DDB2: variants seen among roughly 807,000 people sequenced by gnomAD.
The protein encoded by DDB2 is DNA damage-binding protein 2.
In DDB2, 27 loss-of-function variants were observed where a neutral mutation model predicts 50.5. The observed-to-expected ratio is 0.53, with a 90% CI of 0.39 to 0.74. The LOEUF is 0.74. Among genes scored for constraint, DDB2 ranks in the 30% least tolerant of loss-of-function variants. DDB2 has a pLI of 0.00. For missense variants in DDB2, 424 were observed against 545.6 expected (o/e 0.78, Z 2.22); for synonymous variants, 176 against 205.5 (o/e 0.86, Z 1.23).
chr11:47,235,291 C>T lies in DDB2; in HGVS notation c.902C>T (p.Ala301Val), dbSNP rs956960120. The T allele has an allele frequency of 1.1e-5, 17 of 1,614,104 alleles. No individual in the cohort carries two copies. The highest frequency in any genetic ancestry group is 1.4e-5 in the Non-Finnish European group (16 of 1,180,034). ...CCAGCTTGTTTCAGTCCCGATGGAG[C>T]CCGGCTCCTGACCACGGACCAGAAG... is the stretch of plus-strand genomic sequence containing the variant. ...VNAACFSPDG[A>V]RLLTTDQKSE... The change falls in exon 7 of 10, where the codon GCC (alanine) becomes GTC (valine). Residue 301 changes from alanine to valine, a missense_variant. Coordinates refer to ENST00000256996, the MANE Select transcript of DDB2 (RefSeq NM_000107.3).
intron 3 of DDB2, among the ~76,000 whole-genome samples, chr11:47,227,415 A>C (rs1953576933): frequency 1.3e-5 from 2 of 151,654 alleles, no homozygotes; most frequent in South Asian, 4.2e-4. Flanking sequence ...CCATGATATT[A>C]ACCTCTTATC....
chr11:47,232,010 T>G lies in DDB2; in HGVS notation c.457-804T>G, dbSNP rs995937280. ...AGAGAACTTTATATCCCAAATTTGC[T>G]ATATGTTAATTAAAAAAAAAAGTAA... On this transcript the variant is annotated intron_variant, in intron 3 of 9. Coordinates refer to ENST00000256996, the MANE Select transcript of DDB2 (RefSeq NM_000107.3). Among the ~76,000 whole-genome samples, 5 of 152,014 alleles carry G rather than the reference T, an allele frequency of 3.3e-5. No individual in the cohort carries two copies. In the East Asian group the frequency reaches 9.6e-4, roughly 29 times the overall value.
Position 47,238,010 on chromosome 11 carries a change from T to C in DDB2, c.1188+9T>C. The C allele has an allele frequency of 6.2e-7, 1 of 1,614,126 alleles. No individual in the cohort carries two copies. The highest frequency in any genetic ancestry group is 1.1e-5 in the South Asian group (1 of 91,080). On this transcript the variant is annotated intron_variant, in intron 8 of 9. Transcript: ENST00000256996. ...CTTCTGGCATCAGTTCGGTGAGGCT[T>C]GGGTCCTCAAATAATGATGGGAGGA...
At chr11:47,224,354 G>A (rs930263243) in intron 3 of DDB2, among the ~76,000 whole-genome samples, 1 of 151,886 alleles carries the variant, frequency 6.6e-6, no homozygotes, top group African/African-American at 2.4e-5. Flanking sequence ...TCAGCCTCCC[G>A]AGTAGCTGGG....
chr11:47,215,034 C>T lies in DDB2; in HGVS notation c.-103C>T. The T allele has an allele frequency of 1.3e-6, 2 of 1,567,468 alleles. No homozygotes were observed. Among genetic ancestry groups the T allele is most frequent in the Non-Finnish European group, 8.8e-7 (1 of 1,140,866 alleles). On this transcript the variant is annotated 5_prime_UTR_variant, in exon 1 of 10. Transcript: ENST00000256996. The stretch of plus-strand genomic sequence containing the variant: ...TTGGCTTAGCTCGGCTACCTGTGGC[C>T]CCGCAGTTTTGTAGTCCCCGCCTTG...
chr11:47,238,841 C>T lies in DDB2; in HGVS notation c.1276C>T (p.Arg426Trp), dbSNP rs1218896761. Residue 426 changes from arginine to tryptophan, a missense_variant, in exon 10 of 10, where the codon CGG becomes TGG. Transcript: ENST00000256996. ...CTGGAGCCAGGAGGAAGCCAGGACA[C>T]GGAAGTGAGAGACACTAAAGAAGGT... ...LIWSQEEART[R>W]K 19 of 1,613,398 alleles carry T rather than the reference C, an allele frequency of 1.2e-5. No individual in the cohort carries two copies. The highest frequency in any genetic ancestry group is 4.4e-5 in the South Asian group (4 of 91,066).
intron 1 of DDB2, chr11:47,215,993 T>C (rs1590987896): frequency 7.3e-6 from 3 of 408,350 alleles, no homozygotes; most frequent in Non-Finnish European, 1.4e-5. Context: ...TATAAAATTG[T>C]GACCCAGTCC....
intron 3 of DDB2, among the ~76,000 whole-genome samples, chr11:47,230,117 G>A (rs1157003587): frequency 4.8e-5 from 7 of 146,090 alleles, no homozygotes; most frequent in African/African-American, 1.8e-4. Flanking sequence ...GAGTTACATA[G>A]TGAGACCCTG....
chr11:47,238,324 T>C, intron 9 of DDB2, 141 bp downstream of exon 9: 1 of 784,218 alleles, frequency 1.3e-6, no homozygotes, highest in South Asian at 1.5e-5. Flanking sequence ...GACAGTGGTC[T>C]CTATAGCCAA....
At chr11:47,217,848 G>A (rs1186555925) in intron 3 of DDB2, among the ~76,000 whole-genome samples, 3 of 151,392 alleles carry the variant, frequency 2.0e-5, no homozygotes, top group East Asian at 2.0e-4. Flanking sequence ...CCGAAATCAC[G>A]CCACTGCACT....
intron 9 of DDB2, 120 bp from the exon 10 acceptor site, chr11:47,238,680 G>A: frequency 1.9e-6 from 2 of 1,071,180 alleles, no homozygotes; most frequent in African/African-American, 1.5e-5. Flanking sequence ...TTACAGACTT[G>A]AGCCACCGCG....
chr11:47,226,859 A>T (rs1160447509), intron 3 of DDB2, among the ~76,000 whole-genome samples: 1 of 149,854 alleles, frequency 6.7e-6, no homozygotes, highest in African/African-American at 2.5e-5. Context: ...CTGCTGCCTT[A>T]GCCACCCGAG....
intron 3 of DDB2, among the ~76,000 whole-genome samples, chr11:47,225,389 G>A (rs112528650): frequency 0.016 from 2,486 of 151,378 alleles, 79 homozygotes; most frequent in African/African-American, 0.057. Context: ...TCAGGAGATC[G>A]AGACCATCCT....
At position 47,224,848 on chromosome 11, in the gene DDB2, A is replaced by G. The variant is rs1181891411; in HGVS notation, c.456+7799A>G. Among the ~76,000 whole-genome samples the G allele has an allele frequency of 4.0e-5, 6 of 149,938 alleles. No homozygotes were observed. In the East Asian group the frequency reaches 1.2e-3, roughly 30 times the overall value. Reference sequence around the variant, plus strand: ...CTCCATAGGCAAAGTAGCCCAGCGTATTTTTCATTTCAGATACTGTATATC... The same window carrying G: ...CTCCATAGGCAAAGTAGCCCAGCGTGTTTTTCATTTCAGATACTGTATATC... On this transcript the variant is annotated intron_variant, in intron 3 of 9. Coordinates refer to ENST00000256996, the MANE Select transcript of DDB2 (RefSeq NM_000107.3).
intron 6 of DDB2, 75 bp from the exon 7 acceptor site, chr11:47,235,195 C>A: frequency 6.3e-7 from 1 of 1,593,212 alleles, no homozygotes; most frequent in Non-Finnish European, 8.6e-7. Flanking sequence ...AGTACCCCTG[C>A]AGGAGAAGGC....
At chr11:47,228,474 C>T (rs1365971955) in intron 3 of DDB2, among the ~76,000 whole-genome samples, 3 of 151,730 alleles carry the variant, frequency 2.0e-5, no homozygotes, top group East Asian at 1.9e-4. Context: ...AACCCTGTCT[C>T]TACTAAAAAT....
chr11:47,220,927 A>G (rs1045813052), intron 3 of DDB2, among the ~76,000 whole-genome samples: 5 of 152,164 alleles, frequency 3.3e-5, no homozygotes, highest in Admixed American at 6.5e-5. Flanking sequence ...TGGGAGGCCG[A>G]GGCGGGTGGA....
intron 1 of DDB2, 99 bp from the exon 2 acceptor site, chr11:47,216,237 A>G: frequency 6.3e-7 from 1 of 1,576,828 alleles, no homozygotes; most frequent in Non-Finnish European, 8.7e-7. Flanking sequence ...TGAGACAGAG[A>G]TTAACCGTGC....
At chr11:47,230,285 G>A (rs1565154928) in intron 3 of DDB2, among the ~76,000 whole-genome samples, 1 of 152,074 alleles carries the variant, frequency 6.6e-6, no homozygotes, top group East Asian at 1.9e-4. Context: ...TGAACTCCTG[G>A]CCTTAAGCGA....
Sources: allele counts gnomAD v4.1 joint callset (sites outside exome capture counted in the v4.1 genomes callset), GRCh38; gene constraint gnomAD v4.1.1; transcripts MANE v1.5; gene names NCBI Gene and HGNC (gene_info 2026-07-23, HGNC 2026-07-21).